PARP16: variants seen among roughly 807,000 people sequenced by gnomAD.
The protein encoded by PARP16 is protein mono-ADP-ribosyltransferase PARP16.
PARP16 carries 31 observed loss-of-function variants against 35.0 expected under a neutral mutation model. The ratio of observed to expected loss-of-function variants is 0.88; its 90% CI spans 0.66 to 1.19. The LOEUF (loss-of-function observed/expected upper bound fraction) is 1.19, where lower values mean the gene tolerates loss of function less well. Ranked by LOEUF, PARP16 falls within the 50% of genes most tolerant of loss-of-function variation. PARP16 has a pLI of 0.00. For missense variants in PARP16, 424 were observed against 411.2 expected (o/e 1.03, Z -0.27); for synonymous variants, 162 against 169.5 (o/e 0.96, Z 0.34).
intron 4 of PARP16, among the ~76,000 whole-genome samples, chr15:65,261,477 T>TG (rs1195882467): frequency 1.3e-5 from 2 of 150,836 alleles, no homozygotes; most frequent in Non-Finnish European, 3.0e-5. Flanking sequence ...TTTTTTGAGA[T>TG]GGAGTCTTGC....
At chr15:65,274,026 C>T (rs1190229123) in intron 1 of PARP16, among the ~76,000 whole-genome samples, 1 of 152,046 alleles carries the variant, frequency 6.6e-6, no homozygotes, top group Non-Finnish European at 1.5e-5. Flanking sequence ...AAACACAGCT[C>T]ACTGCAGGAT....
Position 65,278,657 on chromosome 15 carries a change from C to G in PARP16, c.175-7585G>C, listed in dbSNP as rs998336175. Among the ~76,000 whole-genome samples the G allele has an allele frequency of 4.6e-5, 7 of 152,180 alleles. 1 individual carries two copies. The highest frequency in any genetic ancestry group is 7.4e-5 in the Non-Finnish European group (5 of 68,014). On this transcript the variant is annotated intron_variant, in intron 1 of 5. Coordinates refer to ENST00000649807, the MANE Select transcript of PARP16 (RefSeq NM_001316943.2). Reference sequence around the variant, plus strand: ...CCTGGGGAGGAGGTGGCCCAGGAATCTGTGATTACAGATGTGGGTACAAGT... The same window carrying G: ...CCTGGGGAGGAGGTGGCCCAGGAATGTGTGATTACAGATGTGGGTACAAGT...
intron 1 of PARP16, 49 bp from the exon 2 acceptor site, chr15:65,271,121 T>C: frequency 6.2e-7 from 1 of 1,602,396 alleles, no homozygotes; most frequent in Admixed American, 1.7e-5. Flanking sequence ...GACACAGTGA[T>C]AATCAGGGGC....
In PARP16 at chr15:65,263,264, T is replaced by A; in HGVS notation, c.576A>T (p.Ile192=). 1 of 1,613,496 alleles carries A rather than the reference T, an allele frequency of 6.2e-7. No homozygotes were observed. Among genetic ancestry groups the A allele is most frequent in the Non-Finnish European group, 8.5e-7 (1 of 1,179,696 alleles). The part of the protein sequence containing the change: ...YLTSDLSLAL[I]YSPHGHGWQH... ...GCCACCCATGGCCATGGGGGCTGTA[T>A]ATGAGGGCCAGGCTCAAGTCACTGG... The change falls in exon 4 of 6, where the codon ATA becomes ATT. Residue 192 remains isoleucine, a synonymous_variant. Coordinates refer to ENST00000649807, the MANE Select transcript of PARP16 (RefSeq NM_001316943.2).
At chr15:65,278,956 G>A (rs936036800) in intron 1 of PARP16, among the ~76,000 whole-genome samples, 10 of 152,158 alleles carry the variant, frequency 6.6e-5, no homozygotes, top group Admixed American at 4.6e-4. Flanking sequence ...AATGAAGGCT[G>A]AAGAGGTGGA....
intron 3 of PARP16, among the ~76,000 whole-genome samples, chr15:65,241,494 T>C (rs1388976520): frequency 6.6e-6 from 1 of 152,222 alleles, no homozygotes; most frequent in Non-Finnish European, 1.5e-5. Context: ...TGGTTATAGT[T>C]GTTTCACATC....
chr15:65,249,901 G>T (rs571087999), intron 2 of PARP16, among the ~76,000 whole-genome samples: 2 of 152,332 alleles, frequency 1.3e-5, no homozygotes, highest in South Asian at 2.1e-4. Context: ...TTGAGTGGGT[G>T]TTGGGGGACT....
chr15:65,238,567 C>T (rs1045445150), intron 3 of PARP16, among the ~76,000 whole-genome samples: 44 of 152,324 alleles, frequency 2.9e-4, no homozygotes, highest in African/African-American at 1.1e-3. Context: ...CAAATCTGTC[C>T]ATTCCACTCC....
intron 3 of PARP16, among the ~76,000 whole-genome samples, chr15:65,244,531 G>A (rs1417359331): frequency 1.3e-5 from 2 of 152,090 alleles, no homozygotes; most frequent in African/African-American, 2.4e-5. Context: ...AGAGCAGCAC[G>A]GGAAAGACCC....
intron 3 of PARP16, among the ~76,000 whole-genome samples, chr15:65,238,420 C>G (rs957270865): frequency 3.3e-5 from 5 of 152,232 alleles, no homozygotes; most frequent in Non-Finnish European, 5.9e-5. Flanking sequence ...ACATCTGTCC[C>G]TGGCCCAGGC....
At chr15:65,236,681 G>T (rs2088885657) in intron 3 of PARP16, among the ~76,000 whole-genome samples, 1 of 152,180 alleles carries the variant, frequency 6.6e-6, no homozygotes, top group African/African-American at 2.4e-5. Flanking sequence ...CATAAAAGTT[G>T]TGGGAAGCTG....
intron 3 of PARP16, among the ~76,000 whole-genome samples, chr15:65,244,376 C>T (rs1047525462): frequency 1.3e-5 from 2 of 152,130 alleles, no homozygotes; most frequent in African/African-American, 2.4e-5. Context: ...CTCACAGTTC[C>T]GCATGGCTTG....
At chr15:65,237,368 G>A (rs1030018096) in intron 3 of PARP16, among the ~76,000 whole-genome samples, 7 of 152,192 alleles carry the variant, frequency 4.6e-5, no homozygotes, top group African/African-American at 7.2e-5. Flanking sequence ...CCCAAAAGAT[G>A]TGTCTACATC....
At chr15:65,269,145 T>C (rs2090002351) in intron 2 of PARP16, among the ~76,000 whole-genome samples, 1 of 149,934 alleles carries the variant, frequency 6.7e-6, no homozygotes, top group Admixed American at 6.7e-5. Context: ...GCCAGGACAA[T>C]GGGTCACACC....
downstream of PARP16, among the ~76,000 whole-genome samples, chr15:65,254,813 T>C (rs1172016149): frequency 6.6e-6 from 1 of 152,162 alleles, no homozygotes; most frequent in Non-Finnish European, 1.5e-5. Flanking sequence ...CCTGGTTTTG[T>C]AGGCAATCAG....
intron 3 of PARP16, among the ~76,000 whole-genome samples, chr15:65,238,871 G>A (rs2094248601): frequency 6.6e-6 from 1 of 152,210 alleles, no homozygotes; most frequent in South Asian, 2.1e-4. Context: ...GCTCACACCT[G>A]TAATCCAAGC....
At chr15:65,238,184 T>C (rs772432760) in intron 3 of PARP16, among the ~76,000 whole-genome samples, 19 of 152,106 alleles carry the variant, frequency 1.2e-4, no homozygotes, top group Non-Finnish European at 2.5e-4. Context: ...CTTGGGAGAC[T>C]GAGGCAGGAG....
chr15:65,256,426 G>A (rs866243079), downstream of PARP16, among the ~76,000 whole-genome samples: 1 of 25,318 alleles, frequency 3.9e-5, no homozygotes, highest in Non-Finnish European at 8.6e-5. Context: ...TTTTTTTTTT[G>A]AGATGGAGTC....
At chr15:65,277,952 A>G (rs897158560) in intron 1 of PARP16, among the ~76,000 whole-genome samples, 26 of 152,222 alleles carry the variant, frequency 1.7e-4, no homozygotes, top group Admixed American at 1.2e-3. Context: ...ATCACACATC[A>G]GTACATGGCA....
Sources: gnomAD v4.1 joint callset for allele counts (sites outside exome capture counted in the v4.1 genomes callset) on GRCh38, gnomAD v4.1.1 for gene constraint, MANE v1.5 for transcripts, NCBI Gene and HGNC (gene_info 2026-07-23, HGNC 2026-07-21) for gene names.